Variants in ELP4 observed in about 807,000 individuals in gnomAD.
ELP4 encodes the protein elongator complex protein 4.
A neutral mutation model predicts 48.9 loss-of-function variants in ELP4; 51 were observed. The observed-to-expected ratio is 1.04, with a 90% CI of 0.83 to 1.32. ELP4 has a LOEUF of 1.32. ELP4 is among the 40% of genes most tolerant of loss of function. The pLI is 0.00. For missense variants in ELP4, 519 were observed against 514.6 expected, an observed-to-expected ratio of 1.01 and a Z score of -0.08; for synonymous variants, 210 against 189.2, an observed-to-expected ratio of 1.11 and a Z score of -0.90.
chr11:31,528,452 T>C (rs965658574), intron 2 of ELP4, among the ~76,000 whole-genome samples: 2 of 152,210 alleles, frequency 1.3e-5, no homozygotes, highest in African/African-American at 4.8e-5. Context: ...ACTATACTTT[T>C]AAGACTTTTG....
At position 31,766,503 on chromosome 11, in the gene ELP4, A is replaced by T. The variant is rs534841714; in HGVS notation, c.1144-16890A>T. On this transcript the variant is annotated intron_variant, in intron 9 of 9. Transcript: ENST00000640961. ...AAGCAAGAAACATGTTCCCATTTTT[A>T]TTTTTTTCAGAACTTTTCAGATGAT... is the stretch of plus-strand genomic sequence containing the variant. 2.4e-4 allele frequency among the ~76,000 whole-genome samples: 36 copies of T among 151,944 alleles called. No homozygotes were observed. The East Asian group carries it at 6.8e-3, about 29-fold the overall frequency.
chr11:31,518,038 A>G (rs1359816465), intron 1 of ELP4, among the ~76,000 whole-genome samples: 3 of 152,182 alleles, frequency 2.0e-5, no homozygotes, highest in African/African-American at 7.2e-5. Flanking sequence ...AGTTTTACAA[A>G]TGGAGTGAAG....
Position 31,789,565 on chromosome 11 carries a change from T to C in ELP4, c.*6041T>C, listed in dbSNP as rs1338520045. The stretch of plus-strand genomic sequence containing the variant: ...AATTCGTGGCAAAGCTTGTTGATCA[T>C]GGTTTTCTTTTTAAAAAAAAAAAAA... On this transcript the variant is annotated 3_prime_UTR_variant, in exon 10 of 10. Coordinates refer to ENST00000640961, the MANE Select transcript of ELP4 (RefSeq NM_019040.5). 5.0e-5 allele frequency: 30 copies of C among 605,456 alleles called. 2 individuals are homozygous for C. The South Asian group carries it at 5.2e-4, about 10-fold the overall frequency. 37.5% of individuals were successfully genotyped at this position (605,456 alleles called of 1,614,324 possible). A position where few individuals can be genotyped will look rare whatever the true frequency, so the allele number is the denominator to read the frequency against.
At chr11:31,781,328 A>G (rs1326594414) in intron 9 of ELP4, among the ~76,000 whole-genome samples, 1 of 152,004 alleles carries the variant, frequency 6.6e-6, no homozygotes, top group African/African-American at 2.4e-5. Flanking sequence ...TCTTTTGCTC[A>G]TTAGCAATAA....
chr11:31,786,575 T>C lies in ELP4; in HGVS notation c.*3051T>C. 1 of 225,052 alleles carries C rather than the reference T, an allele frequency of 4.4e-6. No homozygotes were observed. Among genetic ancestry groups the C allele is most frequent in the Non-Finnish European group, 8.9e-6 (1 of 112,990 alleles). 13.9% of individuals were successfully genotyped at this position (225,052 alleles called of 1,614,324 possible). On this transcript the variant is annotated 3_prime_UTR_variant, in exon 10 of 10. Transcript: ENST00000640961. ...TCTTACTAGTATGAGAGGCCCAGAG[T>C]AAAAAGAAATAAGCAAAAGAATATA...
At chr11:31,741,660 C>T (rs745826592) in intron 9 of ELP4, among the ~76,000 whole-genome samples, 1 of 152,152 alleles carries the variant, frequency 6.6e-6, no homozygotes, top group Non-Finnish European at 1.5e-5. Context: ...CTCTAGCAAA[C>T]TCCAACAGAC....
intron 9 of ELP4, among the ~76,000 whole-genome samples, chr11:31,701,762 G>A (rs1223847677): frequency 6.7e-6 from 1 of 150,274 alleles, no homozygotes; most frequent in African/African-American, 2.4e-5. Flanking sequence ...TTTCCAACTT[G>A]AGCCTTGGTA....
At chr11:31,520,168 T>A in intron 2 of ELP4, 77 bp downstream of exon 2, 1 of 1,248,646 alleles carries the variant, frequency 8.0e-7, no homozygotes, top group Admixed American at 2.4e-5. Context: ...CAATTCCCAT[T>A]CCAAAATTAT....
chr11:31,749,222 G>T (rs1301878835), intron 9 of ELP4, among the ~76,000 whole-genome samples: 7 of 152,176 alleles, frequency 4.6e-5, no homozygotes, highest in Admixed American at 3.3e-4. Context: ...TGGAAGAAAT[G>T]CACAGGACAT....
intron 1 of ELP4, chr11:31,510,658 T>C: frequency 3.1e-6 from 1 of 327,282 alleles, no homozygotes; most frequent in Non-Finnish European, 5.5e-6. Flanking sequence ...CTTCCCAGTA[T>C]TGATTGCTGC....
At chr11:31,702,283 A>T (rs1946540907) in intron 9 of ELP4, among the ~76,000 whole-genome samples, 2 of 150,672 alleles carry the variant, frequency 1.3e-5, no homozygotes, top group Admixed American at 1.3e-4. Context: ...AGTCTGGGCA[A>T]CAGAGCGAGA....
At chr11:31,624,737 C>T (rs1158477909) in intron 5 of ELP4, among the ~76,000 whole-genome samples, 1 of 151,796 alleles carries the variant, frequency 6.6e-6, no homozygotes, top group Non-Finnish European at 1.5e-5. Context: ...ACACTTCACA[C>T]AATTCTACTA....
intron 5 of ELP4, among the ~76,000 whole-genome samples, chr11:31,621,228 A>G (rs1944614117): frequency 6.6e-6 from 1 of 151,966 alleles, no homozygotes; most frequent in African/African-American, 2.4e-5. Context: ...AATACAAATC[A>G]TACTTTCTCA....
At chr11:31,759,704 CTTTTTTCTTTTTTT>C (rs1947905245) in intron 9 of ELP4, among the ~76,000 whole-genome samples, 1 of 149,548 alleles carries the variant, frequency 6.7e-6, no homozygotes, top group Non-Finnish European at 1.5e-5. Flanking sequence ...TTTCTTTTTT[CTTTTTTCTTTTTTT>C]TTTTTTGAGA....
chr11:31,533,753 G>A (rs1246605996), intron 2 of ELP4, among the ~76,000 whole-genome samples: 1 of 152,104 alleles, frequency 6.6e-6, no homozygotes, highest in Non-Finnish European at 1.5e-5. Context: ...CTACTAAATT[G>A]AAGGAGGAGG....
chr11:31,525,700 T>C (rs1333382253), intron 2 of ELP4, among the ~76,000 whole-genome samples: 1 of 152,178 alleles, frequency 6.6e-6, no homozygotes, highest in East Asian at 1.9e-4. Flanking sequence ...ACTGTAAGGC[T>C]TAAGGACCCT....
intron 9 of ELP4, among the ~76,000 whole-genome samples, chr11:31,760,380 C>T (rs867891423): frequency 1.4e-4 from 21 of 152,140 alleles, no homozygotes; most frequent in Non-Finnish European, 2.6e-4. Flanking sequence ...CAGAATGCCT[C>T]TAGTCCTTGA....
At chr11:31,687,408 A>G (rs546185777) in intron 9 of ELP4, among the ~76,000 whole-genome samples, 18 of 152,328 alleles carry the variant, frequency 1.2e-4, no homozygotes, top group African/African-American at 4.3e-4. Flanking sequence ...TTGAAGGAAT[A>G]ATGAACAATG....
chr11:31,745,128 C>T (rs1312157040), intron 9 of ELP4, among the ~76,000 whole-genome samples: 5 of 152,134 alleles, frequency 3.3e-5, no homozygotes, highest in Non-Finnish European at 7.3e-5. Flanking sequence ...CATGAGTGAA[C>T]TCCCATTCAC....
Sources: allele counts gnomAD v4.1 joint callset (sites outside exome capture counted in the v4.1 genomes callset), GRCh38; gene constraint gnomAD v4.1.1; transcripts MANE v1.5; gene names NCBI Gene and HGNC (gene_info 2026-07-23, HGNC 2026-07-21).